The following NETO2 variants were observed in gnomAD, a reference collection of about 807,000 sequenced individuals.
The protein encoded by NETO2 is neuropilin and tolloid like 2, also known as neuropilin and tolloid-like protein 2.
In NETO2, 28 loss-of-function variants were observed where a neutral mutation model predicts 62.5. The observed-to-expected ratio is 0.45, with a 90% CI of 0.33 to 0.61. The LOEUF (loss-of-function observed/expected upper bound fraction) is 0.61. Ranked by LOEUF, NETO2 falls within the 20% of genes least tolerant of loss-of-function variation. The pLI, the probability that NETO2 is intolerant of heterozygous loss-of-function variation, is 0.02. For synonymous variants in NETO2, 214 were observed against 219.1 expected (o/e 0.98, Z 0.21); for missense variants, 548 against 643.2 (o/e 0.85, Z 1.60).
At chr16:47,095,875 TCAGA>T (rs1179990287) in intron 7 of NETO2, among the ~76,000 whole-genome samples, 2 of 152,238 alleles carry the variant, frequency 1.3e-5, no homozygotes, top group African/African-American at 4.8e-5. Context: ...CAATTACACA[TCAGA>T]CAGTCTCTAG....
intron 1 of NETO2, among the ~76,000 whole-genome samples, chr16:47,140,842 T>C (rs1964447943): frequency 6.6e-6 from 1 of 152,240 alleles, no homozygotes; most frequent in South Asian, 2.1e-4. Context: ...ATTTTTGCTG[T>C]TACATTACAA....
chr16:47,116,945 G>T (rs2078256), intron 6 of NETO2, among the ~76,000 whole-genome samples: 17,148 of 152,060 alleles, frequency 0.11, 2,036 homozygotes, highest in African/African-American at 0.3. Context: ...TGGTAGGGTC[G>T]GTAGTGATAG....
Position 47,128,573 on chromosome 16 carries a change from G to A in NETO2, c.233C>T (p.Ala78Val), listed in dbSNP as rs1307470056. ...CAACTCTATTCTTTGACGTGGAGCA[G>A]CTAGAAAATAAGAGTAAGCAAATCA... Reference protein sequence around the residue: ...PNKECIYILEAAPRQRIELTF... With the variant: ...PNKECIYILEVAPRQRIELTF... The change falls in exon 4 of 9, where the codon GCT becomes GTT. Residue 78 changes from alanine (A) to valine (V), a missense_variant and splice_region_variant. Transcript: ENST00000562435. 6.2e-7 allele frequency: 1 copy of A among 1,609,700 alleles called. No homozygotes were observed. Among genetic ancestry groups the A allele is most frequent in the Admixed American group, 1.7e-5 (1 of 59,880 alleles).
Position 47,107,055 on chromosome 16 carries a change from T to A in NETO2, c.883+2428A>T, listed in dbSNP as rs796840677. 6.8e-4 allele frequency among the ~76,000 whole-genome samples: 103 copies of A among 152,316 alleles called. 1 individual carries two copies. The highest frequency in any genetic ancestry group is 2.4e-3 in the African/African-American group (98 of 41,554). On this transcript the variant is annotated intron_variant, in intron 7 of 8. Coordinates refer to ENST00000562435, the MANE Select transcript of NETO2 (RefSeq NM_018092.5). ...CCTTGGCCTCCCAAAGTGCTGGGAT[T>A]ACAGGTGTGAGCCACTGCACCTGAC...
intron 4 of NETO2, 32 bp downstream of exon 4, chr16:47,128,293 C>A (rs773967667): frequency 1.9e-6 from 3 of 1,597,054 alleles, no homozygotes; most frequent in Non-Finnish European, 2.6e-6. Flanking sequence ...GAGTGAGATG[C>A]CCAACCACTT....
At chr16:47,098,487 T>G (rs1229875542) in intron 7 of NETO2, among the ~76,000 whole-genome samples, 1 of 151,892 alleles carries the variant, frequency 6.6e-6, no homozygotes, top group Non-Finnish European at 1.5e-5. Context: ...AAAAAAGAAT[T>G]AAAAGGAACG....
rs1963034389 is a variant in NETO2 at position 47,079,952 on chromosome 16, T to C, written c.*3269A>G. The C allele has an allele frequency of 6.6e-6, 1 of 152,206 alleles. No individual in the cohort carries two copies. Among genetic ancestry groups the C allele is most frequent in the African/African-American group, 2.4e-5 (1 of 41,450 alleles). 9.4% of individuals were successfully genotyped at this position (152,206 alleles called of 1,614,324 possible). A position where few individuals can be genotyped will look rare whatever the true frequency, so the allele number is the denominator to read the frequency against. On this transcript the variant is annotated 3_prime_UTR_variant, in exon 9 of 9. Coordinates refer to ENST00000562435, the MANE Select transcript of NETO2 (RefSeq NM_018092.5). ...CTCAAACAGGGAAGCATTCTTCTCATCAGACATTGGCAGAACCATACAAAT... is the reference window on the plus strand; with the variant it reads ...CTCAAACAGGGAAGCATTCTTCTCACCAGACATTGGCAGAACCATACAAAT...
At chr16:47,115,584 G>A (rs974446699) in intron 6 of NETO2, among the ~76,000 whole-genome samples, 1 of 150,126 alleles carries the variant, frequency 6.7e-6, no homozygotes, top group East Asian at 1.9e-4. Context: ...CTGGAGTGCA[G>A]TGGTGCGCTC....
At chr16:47,138,425 C>T (rs939211916) in intron 1 of NETO2, among the ~76,000 whole-genome samples, 11 of 152,000 alleles carry the variant, frequency 7.2e-5, no homozygotes, top group African/African-American at 2.2e-4. Flanking sequence ...AAAACACTTG[C>T]CCATAATCTA....
At chr16:47,112,945 A>G (rs1056926391) in intron 6 of NETO2, among the ~76,000 whole-genome samples, 5 of 152,214 alleles carry the variant, frequency 3.3e-5, no homozygotes, top group African/African-American at 1.2e-4. Flanking sequence ...ATTGTTCCAT[A>G]TATTTTAAAA....
At chr16:47,140,575 T>A (rs1053036564) in intron 1 of NETO2, among the ~76,000 whole-genome samples, 2 of 152,214 alleles carry the variant, frequency 1.3e-5, no homozygotes, top group Non-Finnish European at 1.5e-5. Flanking sequence ...CAGATTGCAG[T>A]TGAGGATTTA....
In NETO2 at chr16:47,081,347, G is replaced by A. The variant is rs1162243549; in HGVS notation, c.*1874C>T. 3.3e-5 allele frequency: 5 copies of A among 151,936 alleles called. No individual in the cohort carries two copies. Among genetic ancestry groups the A allele is most frequent in the Admixed American group, 6.6e-5 (1 of 15,252 alleles). The allele number at this position is 151,936 out of a possible 1,614,324, so 9.4% of individuals were successfully genotyped here. ...CTACTGAAAAAACTTAGCTGTCTCT[G>A]GTATTAGTTCATTGAATATTATATG... On this transcript the variant is annotated 3_prime_UTR_variant, in exon 9 of 9. Transcript: ENST00000562435.
rs373932058 is a variant in NETO2 at position 47,083,314 on chromosome 16, G to A, written c.1485C>T (p.Ala495=). The A allele has an allele frequency of 1.9e-6, 3 of 1,614,048 alleles. No individual in the cohort carries two copies. The African/African-American group carries it at 4.0e-5, about 22-fold the overall frequency. The change falls in exon 9 of 9, where the codon GCC becomes GCT. Residue 495 remains alanine (A), a synonymous_variant. Coordinates refer to ENST00000562435, the MANE Select transcript of NETO2 (RefSeq NM_018092.5). ...TCTCCTCCATTACTCGGTCTTCCAG[G>A]GCCTGCTCAGGGCACTCATGTCCCT... is the stretch of plus-strand genomic sequence containing the variant. ...FKQGHECPEQ[A]LEDRVMEEIP... is the part of the protein sequence containing the mutation.
intron 6 of NETO2, among the ~76,000 whole-genome samples, chr16:47,116,674 G>C (rs894033655): frequency 3.9e-5 from 6 of 152,228 alleles, no homozygotes; most frequent in African/African-American, 1.4e-4. Context: ...TTTCCTGGAT[G>C]ATACTAAAGA....
intron 7 of NETO2, among the ~76,000 whole-genome samples, chr16:47,093,116 C>T (rs35733733): frequency 1.5e-4 from 23 of 152,166 alleles, no homozygotes; most frequent in Non-Finnish European, 3.4e-4. Flanking sequence ...GTGTCAACTC[C>T]CTGATGCCTG....
rs751198782 is a variant in NETO2 at position 47,122,928 on chromosome 16, GAAGA to G, written c.482-20_482-17del. 2 of 1,611,692 alleles carry G rather than the reference GAAGA, an allele frequency of 1.2e-6. No individual in the cohort carries two copies. Among genetic ancestry groups the G allele is most frequent in the East Asian group, 2.2e-5 (1 of 44,862 alleles). ...AAGTCTGGATCTGTAACAGAAAAAA[GAAGA>G]AAGTCATTGGTACTGAGATAGTTAC... On this transcript the variant is annotated splice_polypyrimidine_tract_variant and intron_variant, in intron 4 of 8. Transcript: ENST00000562435.
chr16:47,114,379 T>TC (rs1555497996), intron 6 of NETO2, among the ~76,000 whole-genome samples: 10 of 149,900 alleles, frequency 6.7e-5, no homozygotes, highest in African/African-American at 1.9e-4. Context: ...TTTTTTTTTT[T>TC]CTCACTCAAC....
rs1174682509 is a variant in NETO2 at position 47,143,881 on chromosome 16, C to T, written c.-269G>A. 8.3e-6 allele frequency: 2 copies of T among 239,664 alleles called. No homozygotes were observed. Among genetic ancestry groups the T allele is most frequent in the East Asian group, 1.8e-4 (2 of 10,864 alleles). The allele number at this position is 239,664 out of a possible 1,614,324, so 14.8% of individuals were successfully genotyped here. Reference sequence around the variant, plus strand: ...TCGACCGCCCGAGGGCCGAGGAGTGCGGACGCGCGGCGCGGGACCGGCAGG... The same window carrying T: ...TCGACCGCCCGAGGGCCGAGGAGTGTGGACGCGCGGCGCGGGACCGGCAGG... On this transcript the variant is annotated 5_prime_UTR_variant, in exon 1 of 9. Transcript: ENST00000562435.
chr16:47,109,805 T>C, intron 6 of NETO2, 94 bp from the exon 7 acceptor site: 4 of 789,114 alleles, frequency 5.1e-6, no homozygotes, highest in Non-Finnish European at 8.1e-6. Context: ...GGACACCGAA[T>C]GACAGCTGAC....
Sources: allele counts gnomAD v4.1 joint callset (sites outside exome capture counted in the v4.1 genomes callset), GRCh38; gene constraint gnomAD v4.1.1; transcripts MANE v1.5; gene names NCBI Gene and HGNC (gene_info 2026-07-23, HGNC 2026-07-21).